The following ALPK1 variants were observed in gnomAD, a reference collection of about 807,000 sequenced individuals.
The protein encoded by ALPK1 is alpha-protein kinase 1.
In ALPK1, 110 loss-of-function variants were observed where a neutral mutation model predicts 120.6. That is an observed-to-expected ratio of 0.91 (90% CI 0.78 to 1.07). ALPK1 has a LOEUF of 1.07. Among genes scored for constraint, ALPK1 ranks in the 50% least tolerant of loss-of-function variants. ALPK1 has a pLI of 0.00. For missense variants in ALPK1, 1,498 were observed against 1,483.9 expected (o/e 1.01, Z -0.16); for synonymous variants, 582 against 560.3 (o/e 1.04, Z -0.55).
At chr4:112,388,122 G>C (rs906572934) in intron 4 of ALPK1, among the ~76,000 whole-genome samples, 1 of 152,042 alleles carries the variant, frequency 6.6e-6, no homozygotes, top group African/African-American at 2.4e-5. Flanking sequence ...TCTTTTTTAT[G>C]GCTGCATAGT....
In ALPK1 at chr4:112,339,051, A is replaced by C. The variant is rs375696518; in HGVS notation, c.-101+23199A>C. On this transcript the variant is annotated intron_variant, in intron 2 of 15. Transcript: ENST00000650871. ...TACTGAGAAATGTTCTTTACTCTGC[A>C]TGCATCTTCAAAAATATTTGAAATT... Among the ~76,000 whole-genome samples the C allele has an allele frequency of 1.1e-4, 17 of 152,360 alleles. No homozygotes were observed. In the East Asian group the frequency reaches 1.9e-3, roughly 17 times the overall value.
intron 5 of ALPK1, among the ~76,000 whole-genome samples, chr4:112,418,502 A>C (rs949465370): frequency 7.2e-5 from 11 of 152,312 alleles, no homozygotes; most frequent in African/African-American, 2.6e-4. Context: ...AGGGAAAGCT[A>C]TGAAAGCCTG....
intron 2 of ALPK1, among the ~76,000 whole-genome samples, chr4:112,316,956 A>C (rs752722031): frequency 2.0e-5 from 3 of 152,206 alleles, no homozygotes; most frequent in Non-Finnish European, 2.9e-5. Context: ...CATTATGCTG[A>C]TAAGCACTTT....
At chr4:112,399,586 T>C (rs936276452) in intron 4 of ALPK1, among the ~76,000 whole-genome samples, 1 of 151,992 alleles carries the variant, frequency 6.6e-6, no homozygotes, top group African/African-American at 2.4e-5. Context: ...TTTTTCTCTC[T>C]TTTTTTTATT....
intron 4 of ALPK1, among the ~76,000 whole-genome samples, chr4:112,390,499 G>C (rs1281916500): frequency 6.6e-6 from 1 of 152,150 alleles, no homozygotes; most frequent in African/African-American, 2.4e-5. Flanking sequence ...TCTTCTGCTA[G>C]CTACAAGCTT....
rs1259379790 is a variant in ALPK1, at chr4:112,441,007, G to A, written c.3629G>A (p.Gly1210Glu). 7.4e-6 allele frequency: 12 copies of A among 1,613,966 alleles called. No individual in the cohort carries two copies. Among genetic ancestry groups the A allele is most frequent in the Admixed American group, 1.7e-5 (1 of 59,990 alleles). Residue 1210 changes from glycine (G) to glutamate (E), a missense_variant, in exon 15 of 16, where the codon GGA becomes GAA. Coordinates refer to ENST00000650871, the MANE Select transcript of ALPK1 (RefSeq NM_025144.4). The stretch of plus-strand genomic sequence containing the variant: ...CAGAAAGTTTTCACTACCAATTTTG[G>A]AAAGAGAGGAATTTTTTACTTCTTT... ...VDQKVFTTNF[G>E]KRGIFYFFNN...
At chr4:112,355,626 G>A (rs1267382380) in intron 2 of ALPK1, among the ~76,000 whole-genome samples, 2 of 152,206 alleles carry the variant, frequency 1.3e-5, no homozygotes, top group African/African-American at 4.8e-5. Context: ...CATCAAAGGA[G>A]GAGACGGGCG....
intron 2 of ALPK1, among the ~76,000 whole-genome samples, chr4:112,350,060 G>A (rs760059712): frequency 1.3e-5 from 2 of 152,288 alleles, no homozygotes; most frequent in East Asian, 3.9e-4. Flanking sequence ...TCACTGCAAA[G>A]TGCATGTGCT....
chr4:112,357,761 T>G (rs573585551), intron 2 of ALPK1: 17 of 1,189,644 alleles, frequency 1.4e-5, no homozygotes, highest in Non-Finnish European at 2.0e-5. Flanking sequence ...CTGGGCAACA[T>G]CGCCCGCATG....
At chr4:112,420,498 G>A (rs1165748038) in intron 5 of ALPK1, among the ~76,000 whole-genome samples, 1 of 152,168 alleles carries the variant, frequency 6.6e-6, no homozygotes, top group African/African-American at 2.4e-5. Context: ...GTCTTCTCAG[G>A]TACTTCTTCT....
chr4:112,405,910 T>C (rs1169394648), intron 4 of ALPK1, among the ~76,000 whole-genome samples: 3 of 152,084 alleles, frequency 2.0e-5, no homozygotes, highest in Non-Finnish European at 2.9e-5. Context: ...TAGGCATTGC[T>C]CCACAGAACC....
intron 5 of ALPK1, among the ~76,000 whole-genome samples, chr4:112,412,629 C>T (rs1578550891): frequency 6.6e-6 from 1 of 152,016 alleles, no homozygotes; most frequent in South Asian, 2.1e-4. Flanking sequence ...GCCTGCTATG[C>T]GTTACTGCAA....
Position 112,311,910 on chromosome 4 carries a change from A to G in ALPK1, c.-152-3891A>G, listed in dbSNP as rs59594056. Among the ~76,000 whole-genome samples the G allele has an allele frequency of 6.3e-3, 964 of 152,280 alleles. 13 individuals carry two copies. Among genetic ancestry groups the G allele is most frequent in the African/African-American group, 0.022 (920 of 41,540 alleles). The stretch of plus-strand genomic sequence containing the variant: ...AAAACAGAAGATAGCACGTGTAGAA[A>G]CATTACCAAGTTAACTGTAACATGA... On this transcript the variant is annotated intron_variant, in intron 1 of 15. Coordinates refer to ENST00000650871, the MANE Select transcript of ALPK1 (RefSeq NM_025144.4).
intron 5 of ALPK1, among the ~76,000 whole-genome samples, chr4:112,412,702 T>C (rs1733542994): frequency 6.6e-6 from 1 of 152,194 alleles, no homozygotes; most frequent in African/African-American, 2.4e-5. Context: ...TTTAGAAACG[T>C]GTAGCCTGTT....
chr4:112,388,874 T>C (rs2148733080), intron 4 of ALPK1, among the ~76,000 whole-genome samples: 1 of 152,324 alleles, frequency 6.6e-6, no homozygotes, highest in Admixed American at 6.5e-5. Context: ...TCAATCTATG[T>C]TCTTTAAGCT....
chr4:112,301,978 A>G (rs541394756), intron 1 of ALPK1, among the ~76,000 whole-genome samples: 1 of 152,090 alleles, frequency 6.6e-6, no homozygotes, highest in South Asian at 2.1e-4. Flanking sequence ...TCTCTCTCCA[A>G]AACCCTTCTC....
At chr4:112,325,916 C>T (rs1393058552) in intron 2 of ALPK1, among the ~76,000 whole-genome samples, 1 of 152,168 alleles carries the variant, frequency 6.6e-6, no homozygotes, top group Non-Finnish European at 1.5e-5. Context: ...TTCACCCAGG[C>T]TTCCCTAAGG....
At chr4:112,396,798 G>A (rs555750374) in intron 4 of ALPK1, among the ~76,000 whole-genome samples, 6 of 151,592 alleles carry the variant, frequency 4.0e-5, no homozygotes, top group Non-Finnish European at 8.8e-5. Context: ...TGTTTTTGGA[G>A]ACAGAGTCTC....
chr4:112,429,084 A>AGC lies in ALPK1; in HGVS notation c.796-64_796-63dup, dbSNP rs922242570. 2.3e-5 allele frequency: 32 copies of AGC among 1,382,708 alleles called. No individual in the cohort carries two copies. In the African/African-American group the frequency reaches 3.8e-4, roughly 17 times the overall value. 85.7% of individuals were successfully genotyped at this position (1,382,708 alleles called of 1,614,324 possible). On this transcript the variant is annotated intron_variant, in intron 9 of 15. Transcript: ENST00000650871. Reference sequence around the variant, plus strand: ...TGAAAGAAAAGCAAAACCATTTCATAGCCTGTTTTTTGCTCATCGATAATT... The same window carrying AGC: ...TGAAAGAAAAGCAAAACCATTTCATAGCGCCTGTTTTTTGCTCATCGATAATT...
Sources: gnomAD v4.1 joint callset for allele counts (sites outside exome capture counted in the v4.1 genomes callset) on GRCh38, gnomAD v4.1.1 for gene constraint, MANE v1.5 for transcripts, NCBI Gene and HGNC (gene_info 2026-07-23, HGNC 2026-07-21) for gene names.